Variants in TSPAN5 observed in about 807,000 individuals in gnomAD.
The protein encoded by TSPAN5 is tetraspanin-5.
A neutral mutation model predicts 37.1 loss-of-function variants in TSPAN5; 10 were observed. The ratio of observed to expected loss-of-function variants is 0.27; its 90% CI spans 0.17 to 0.46. The LOEUF (loss-of-function observed/expected upper bound fraction) is 0.46, where lower values mean the gene tolerates loss of function less well. Among genes scored for constraint, TSPAN5 ranks in the 20% least tolerant of loss-of-function variants. The pLI is 1.00. For synonymous variants in TSPAN5, 110 were observed against 118.9 expected, an observed-to-expected ratio of 0.93 and a Z score of 0.48; for missense variants, 195 against 326.6, an observed-to-expected ratio of 0.60 and a Z score of 3.11.
chr4:98,532,367 G>C (rs919181559), intron 1 of TSPAN5, among the ~76,000 whole-genome samples: 1 of 152,084 alleles, frequency 6.6e-6, no homozygotes, highest in Non-Finnish European at 1.5e-5. Context: ...TTATTTCCTT[G>C]AGCAGTGGTT....
chr4:98,475,019 C>A (rs1185555305), intron 7 of TSPAN5, among the ~76,000 whole-genome samples: 3 of 152,162 alleles, frequency 2.0e-5, no homozygotes, highest in Non-Finnish European at 4.4e-5. Context: ...TTCCACTTCT[C>A]TATATGGCTA....
chr4:98,481,859 G>A (rs1260418181), intron 4 of TSPAN5, 146 bp downstream of exon 4: 18 of 747,978 alleles, frequency 2.4e-5, no homozygotes, highest in Middle Eastern at 3.9e-4. Flanking sequence ...AGAGCAAGTC[G>A]GAAAATAATA....
intron 1 of TSPAN5, among the ~76,000 whole-genome samples, chr4:98,556,465 C>T (rs1460393093): frequency 1.3e-5 from 2 of 152,144 alleles, no homozygotes; most frequent in Non-Finnish European, 1.5e-5. Flanking sequence ...TGAATGCCAT[C>T]TAAAACCATA....
intron 1 of TSPAN5, among the ~76,000 whole-genome samples, chr4:98,548,056 C>T (rs796307017): frequency 1.3e-4 from 20 of 150,938 alleles, no homozygotes; most frequent in African/African-American, 4.4e-4. Context: ...AACACAAAAG[C>T]GTGCACACAT....
At chr4:98,655,389 A>T (rs1236191992) in intron 1 of TSPAN5, among the ~76,000 whole-genome samples, 1 of 152,168 alleles carries the variant, frequency 6.6e-6, no homozygotes, top group Non-Finnish European at 1.5e-5. Context: ...AACTAGAAAG[A>T]ACGTTATAAC....
At chr4:98,480,707 C>T (rs1464262387) in intron 4 of TSPAN5, among the ~76,000 whole-genome samples, 1 of 152,088 alleles carries the variant, frequency 6.6e-6, no homozygotes, top group Admixed American at 6.6e-5. Flanking sequence ...GAGGTGTGTC[C>T]ACAAAGCTCC....
intron 1 of TSPAN5, among the ~76,000 whole-genome samples, chr4:98,583,384 G>A (rs1015540031): frequency 2.0e-5 from 3 of 152,016 alleles, no homozygotes; most frequent in East Asian, 1.9e-4. Flanking sequence ...GTACCCATTC[G>A]TTGTTTCTTA....
At chr4:98,512,169 C>T (rs777928251) in intron 1 of TSPAN5, among the ~76,000 whole-genome samples, 35 of 152,010 alleles carry the variant, frequency 2.3e-4, no homozygotes, top group Non-Finnish European at 4.1e-4. Context: ...GCTGAGATCG[C>T]GCCACTGCAC....
chr4:98,481,270 G>C (rs536042239), intron 4 of TSPAN5, among the ~76,000 whole-genome samples: 1 of 152,312 alleles, frequency 6.6e-6, no homozygotes, highest in East Asian at 1.9e-4. Context: ...TCAAGGTCCT[G>C]TGAGCCCAGG....
At chr4:98,511,673 A>C (rs1011520915) in intron 1 of TSPAN5, among the ~76,000 whole-genome samples, 1 of 152,210 alleles carries the variant, frequency 6.6e-6, no homozygotes, top group African/African-American at 2.4e-5. Context: ...GAATAAAAGG[A>C]ATGTAAAATA....
At chr4:98,542,451 C>T (rs1754379263) in intron 1 of TSPAN5, among the ~76,000 whole-genome samples, 1 of 151,672 alleles carries the variant, frequency 6.6e-6, no homozygotes, top group African/African-American at 2.4e-5. Flanking sequence ...CATAGTGGCT[C>T]ATGCCTGTCA....
chr4:98,480,884 C>G (rs1048573176), intron 4 of TSPAN5, among the ~76,000 whole-genome samples: 4 of 152,158 alleles, frequency 2.6e-5, no homozygotes, highest in African/African-American at 9.7e-5. Flanking sequence ...GTTGCTGCCA[C>G]TGAACAAAAC....
At chr4:98,481,343 G>A (rs554831324) in intron 4 of TSPAN5, among the ~76,000 whole-genome samples, 5 of 152,158 alleles carry the variant, frequency 3.3e-5, no homozygotes, top group East Asian at 3.9e-4. Context: ...TGAGTGAAAC[G>A]GGACATCTGC....
At chr4:98,604,192 C>G (rs1755950511) in intron 1 of TSPAN5, among the ~76,000 whole-genome samples, 1 of 152,092 alleles carries the variant, frequency 6.6e-6, no homozygotes, top group Non-Finnish European at 1.5e-5. Flanking sequence ...TATCATCACT[C>G]CGGGAAATGA....
intron 1 of TSPAN5, among the ~76,000 whole-genome samples, chr4:98,510,122 A>G (rs143238155): frequency 1.5e-3 from 224 of 152,294 alleles, no homozygotes; most frequent in African/African-American, 4.7e-3. Context: ...GTCTCTTTAA[A>G]GCTTCACAAC....
chr4:98,636,722 G>C (rs1756863641), intron 1 of TSPAN5, among the ~76,000 whole-genome samples: 1 of 152,168 alleles, frequency 6.6e-6, no homozygotes, highest in Admixed American at 6.5e-5. Flanking sequence ...TCTTCATCTG[G>C]ATGACAAATA....
chr4:98,556,474 T>C (rs1055801676), intron 1 of TSPAN5, among the ~76,000 whole-genome samples: 1 of 152,122 alleles, frequency 6.6e-6, no homozygotes, highest in Non-Finnish European at 1.5e-5. Flanking sequence ...TCTAAAACCA[T>C]AGCTTATACG....
chr4:98,598,772 C>T (rs973255295), intron 1 of TSPAN5, among the ~76,000 whole-genome samples: 1 of 152,114 alleles, frequency 6.6e-6, no homozygotes, highest in Non-Finnish European at 1.5e-5. Flanking sequence ...CTGGCCCCTC[C>T]TAAATTTTTT....
intron 1 of TSPAN5, among the ~76,000 whole-genome samples, chr4:98,545,598 C>T (rs1578981998): frequency 6.6e-6 from 1 of 151,708 alleles, no homozygotes; most frequent in Non-Finnish European, 1.5e-5. Context: ...GGTGTGATAT[C>T]GGCTCATTAC....
Sources: allele counts gnomAD v4.1 joint callset (sites outside exome capture counted in the v4.1 genomes callset), GRCh38; gene constraint gnomAD v4.1.1; transcripts MANE v1.5; gene names NCBI Gene and HGNC (gene_info 2026-07-23, HGNC 2026-07-21).